Variants in KMT2C observed in about 807,000 individuals in gnomAD.
KMT2C encodes the protein lysine methyltransferase 2C.
KMT2C carries 88 observed loss-of-function variants against 507.9 expected under a neutral mutation model. The ratio of observed to expected loss-of-function variants is 0.17; its 90% confidence interval spans 0.15 to 0.21. The LOEUF (loss-of-function observed/expected upper bound fraction) is 0.21. KMT2C is among the 10% of genes least tolerant of loss of function. The pLI is 1.00. For missense variants in KMT2C, 4,954 were observed against 5,957.8 expected (o/e 0.83, Z 5.55); for synonymous variants, 2,049 against 2,080.8 (o/e 0.98, Z 0.42).
rs376477964 is a variant in KMT2C at position 152,169,496 on chromosome 7, G to C, written c.9454-247C>G. Among the ~76,000 whole-genome samples the C allele has an allele frequency of 5.9e-5, 9 of 152,188 alleles. No homozygotes were observed. In the South Asian group the frequency reaches 1.9e-3, roughly 32 times the overall value. ...TTGGCTGAAAACAATTATGCTTGAG[G>C]TAAAGGATTATTCATCAGAAATATA... On this transcript the variant is annotated intron_variant, in intron 40 of 58. Transcript: ENST00000262189.
intron 14 of KMT2C, among the ~76,000 whole-genome samples, chr7:152,241,544 A>T (rs1227013637): frequency 1.3e-5 from 2 of 152,304 alleles, no homozygotes; most frequent in South Asian, 4.1e-4. Flanking sequence ...TCTCAACAGC[A>T]GACCTTTCCT....
chr7:152,362,432 A>T (rs2129235022), intron 1 of KMT2C, among the ~76,000 whole-genome samples: 1 of 152,280 alleles, frequency 6.6e-6, no homozygotes, highest in African/African-American at 2.4e-5. Flanking sequence ...CCTGTAGACC[A>T]ATACAAGAAC....
At chr7:152,309,696 T>C (rs2096653568) in intron 6 of KMT2C, among the ~76,000 whole-genome samples, 4 of 151,614 alleles carry the variant, frequency 2.6e-5, no homozygotes, top group South Asian at 2.1e-4. Context: ...AATTTTTGTA[T>C]TTTTGGTAGA....
chr7:152,340,286 G>T (rs2096979504), intron 2 of KMT2C, among the ~76,000 whole-genome samples: 1 of 151,304 alleles, frequency 6.6e-6, no homozygotes, highest in Non-Finnish European at 1.5e-5. Context: ...CCATCACCAT[G>T]CCCAGCCTAA....
chr7:152,336,639 T>C (rs2096938374), intron 2 of KMT2C, among the ~76,000 whole-genome samples: 1 of 152,218 alleles, frequency 6.6e-6, no homozygotes. Context: ...AGTCCAGGTT[T>C]GGCGACTCCA....
chr7:152,419,801 T>C (rs2097767533), intron 1 of KMT2C, among the ~76,000 whole-genome samples: 1 of 152,246 alleles, frequency 6.6e-6, no homozygotes, highest in African/African-American at 2.4e-5. Flanking sequence ...TAAAACGTAC[T>C]AATGATTCAA....
chr7:152,368,803 G>C (rs772512924), intron 1 of KMT2C: 13 of 671,650 alleles, frequency 1.9e-5, no homozygotes, highest in South Asian at 3.9e-5. Flanking sequence ...ATTTTTTCTT[G>C]TTTTTCTTGA....
chr7:152,141,689 G>C (rs1480533926), intron 55 of KMT2C, among the ~76,000 whole-genome samples: 1 of 147,630 alleles, frequency 6.8e-6, no homozygotes, highest in African/African-American at 2.6e-5. Context: ...CTCCAGCCTG[G>C]GTGACAGAGG....
chr7:152,255,484 GATTCCAATAAAA>G (rs929394076), intron 9 of KMT2C, among the ~76,000 whole-genome samples: 4 of 151,932 alleles, frequency 2.6e-5, no homozygotes, highest in African/African-American at 9.7e-5. Flanking sequence ...AATTAAATGT[GATTCCAATAAAA>G]ATTCCAATGA....
At chr7:152,259,446 G>GCGCGCGCACACA (rs1188729137) in intron 9 of KMT2C, among the ~76,000 whole-genome samples, 23 of 134,786 alleles carry the variant, frequency 1.7e-4, no homozygotes, top group African/African-American at 6.2e-4. Flanking sequence ...ACACACACGC[G>GCGCGCGCACACA]CACACACACA....
chr7:152,161,549 T>A (rs930559775), intron 43 of KMT2C, among the ~76,000 whole-genome samples: 2 of 152,080 alleles, frequency 1.3e-5, no homozygotes, highest in Admixed American at 1.3e-4. Context: ...ACAAGTTAGC[T>A]CTTCATGTAA....
At chr7:152,254,520 G>A (rs2095613720) in intron 9 of KMT2C, among the ~76,000 whole-genome samples, 1 of 152,090 alleles carries the variant, frequency 6.6e-6, no homozygotes, top group Admixed American at 6.6e-5. Flanking sequence ...AAGTCTTTGG[G>A]AAGAATCAAA....
intron 1 of KMT2C, among the ~76,000 whole-genome samples, chr7:152,431,134 T>C (rs926840173): frequency 2.0e-5 from 3 of 152,106 alleles, no homozygotes; most frequent in African/African-American, 7.2e-5. Context: ...AAACAAATTG[T>C]TGTGATACTT....
chr7:152,334,324 T>C (rs2096913332), intron 2 of KMT2C, among the ~76,000 whole-genome samples: 1 of 152,122 alleles, frequency 6.6e-6, no homozygotes. Context: ...AGGTGGTGCG[T>C]GCCTGTAATC....
rs1238797906 is a variant in KMT2C at position 152,159,467 on chromosome 7, T to C, written c.11461-395A>G. 5.3e-5 allele frequency among the ~76,000 whole-genome samples: 8 copies of C among 152,212 alleles called. No homozygotes were observed. In the East Asian group the frequency reaches 1.5e-3, roughly 29 times the overall value. Reference sequence around the variant, plus strand: ...GCATAGTGGTCTTGGTGAGTTATTTTTGGTTCCCCTTAGGAACTAGTGAAA... The same window carrying C: ...GCATAGTGGTCTTGGTGAGTTATTTCTGGTTCCCCTTAGGAACTAGTGAAA... On this transcript the variant is annotated intron_variant, in intron 43 of 58. Coordinates refer to ENST00000262189, the MANE Select transcript of KMT2C (RefSeq NM_170606.3).
At chr7:152,259,424 A>G (rs2095717797) in intron 9 of KMT2C, among the ~76,000 whole-genome samples, 1 of 147,310 alleles carries the variant, frequency 6.8e-6, no homozygotes, top group African/African-American at 2.5e-5. Context: ...GAATAGAGAC[A>G]AAAACACAGA....
At chr7:152,391,142 CAA>C (rs1195125465) in intron 1 of KMT2C, among the ~76,000 whole-genome samples, 111 of 34,742 alleles carry the variant, frequency 3.2e-3, no homozygotes, top group African/African-American at 0.011. Context: ...AGACTGTCTC[CAA>C]AAAAAAAAAA....
At chr7:152,397,337 C>T (rs1359970704) in intron 1 of KMT2C, among the ~76,000 whole-genome samples, 1 of 151,998 alleles carries the variant, frequency 6.6e-6, no homozygotes, top group African/African-American at 2.4e-5. Context: ...TTTCCAAACA[C>T]TTCTGATTGC....
intron 6 of KMT2C, among the ~76,000 whole-genome samples, chr7:152,297,083 GAGAGAGAGAGAA>G (rs1261799016): frequency 4.8e-5 from 7 of 145,970 alleles, no homozygotes; most frequent in Admixed American, 2.7e-4. Flanking sequence ...GAGAGAGAGA[GAGAGAGAGAGAA>G]AGAAAGAAAG....
Sources: allele counts gnomAD v4.1 joint callset (sites outside exome capture counted in the v4.1 genomes callset), GRCh38; gene constraint gnomAD v4.1.1; transcripts MANE v1.5; gene names NCBI Gene and HGNC (gene_info 2026-07-23, HGNC 2026-07-21).